The following PALM2AKAP2 variants were observed in gnomAD, a reference collection of about 807,000 sequenced individuals.
The protein encoded by PALM2AKAP2 is PALM2-AKAP2 fusion protein.
Under a neutral mutation model 71.5 loss-of-function variants are expected in PALM2AKAP2, and 37 were observed. That is an observed-to-expected ratio of 0.52 (90% confidence interval 0.40 to 0.68). The LOEUF is 0.68. Ranked by LOEUF, PALM2AKAP2 falls within the 30% of genes least tolerant of loss-of-function variation. The probability of loss-of-function intolerance (pLI) is 0.00; values close to 1 mark genes in which losing one functional copy is unlikely to be tolerated. For synonymous variants in PALM2AKAP2, 468 were observed against 478.8 expected (o/e 0.98, Z 0.29); for missense variants, 1,224 against 1,191.8 (o/e 1.03, Z -0.40).
rs202140304 is a variant in PALM2AKAP2, at chr9:110,058,898, G to GTTTTTT, written c.156+10058_156+10063dup. On this transcript the variant is annotated intron_variant, in intron 1 of 3. Transcript: ENST00000374525. ...TTGTATACTGATGGAAAGTTTTTTG[G>GTTTTTT]TTTTTTTTTTTTTTTTTTTTGAGAT... is the stretch of plus-strand genomic sequence containing the variant. 5.2e-4 allele frequency among the ~76,000 whole-genome samples: 58 copies of GTTTTTT among 111,730 alleles called. 1 individual carries two copies. The highest frequency in any genetic ancestry group is 7.8e-4 in the Non-Finnish European group (45 of 57,572). The allele number at this position is 111,730 out of a possible 152,430, so 73.3% of individuals were successfully genotyped here. A position where few individuals can be genotyped will look rare whatever the true frequency, so the allele number is the denominator to read the frequency against.
chr9:109,996,354 A>G (rs1832575429), intron 6 of PALM2AKAP2, among the ~76,000 whole-genome samples: 1 of 152,224 alleles, frequency 6.6e-6, no homozygotes, highest in South Asian at 2.1e-4. Context: ...ACCAAGTTTT[A>G]AGCTATTAGT....
intron 7 of PALM2AKAP2, among the ~76,000 whole-genome samples, chr9:110,030,947 A>G (rs1436396377): frequency 6.6e-6 from 1 of 152,212 alleles, no homozygotes; most frequent in Non-Finnish European, 1.5e-5. Flanking sequence ...GAAATTAGTC[A>G]GTGGAGATGT....
intron 1 of PALM2AKAP2, among the ~76,000 whole-genome samples, chr9:109,646,956 C>T (rs984219952): frequency 6.6e-6 from 1 of 152,146 alleles, no homozygotes; most frequent in Non-Finnish European, 1.5e-5. Flanking sequence ...GTAATGTATG[C>T]TTTTTAAAAC....
intron 6 of PALM2AKAP2, among the ~76,000 whole-genome samples, chr9:109,990,772 C>G (rs767093117): frequency 1.1e-4 from 16 of 152,204 alleles, no homozygotes; most frequent in Non-Finnish European, 1.8e-4. Flanking sequence ...CAGAAAATGG[C>G]ACATTTGCCA....
At chr9:109,658,508 T>TA (rs759182430) in intron 1 of PALM2AKAP2, among the ~76,000 whole-genome samples, 79 of 152,334 alleles carry the variant, frequency 5.2e-4, no homozygotes, top group Admixed American at 2.1e-3. Context: ...CCGTACATAA[T>TA]AAAAAACTCT....
intron 1 of PALM2AKAP2, among the ~76,000 whole-genome samples, chr9:109,741,557 C>A (rs959408825): frequency 1.3e-5 from 2 of 152,162 alleles, no homozygotes; most frequent in Admixed American, 6.5e-5. Flanking sequence ...AGCGATGGAA[C>A]AATTTTATGC....
At chr9:110,112,113 AC>A (rs1835267065) in intron 1 of PALM2AKAP2, among the ~76,000 whole-genome samples, 2 of 151,924 alleles carry the variant, frequency 1.3e-5, no homozygotes, top group South Asian at 4.2e-4. Flanking sequence ...AGAGAAAGTC[AC>A]TCACCTGGAG....
At chr9:109,657,445 A>G (rs1333414932) in intron 1 of PALM2AKAP2, among the ~76,000 whole-genome samples, 1 of 98,074 alleles carries the variant, frequency 1.0e-5, no homozygotes, top group Non-Finnish European at 2.0e-5. Context: ...CAAAAGCAAT[A>G]TGGTATTTGT....
chr9:110,061,649 G>T (rs987464195), intron 1 of PALM2AKAP2, among the ~76,000 whole-genome samples: 3 of 148,070 alleles, frequency 2.0e-5, no homozygotes, highest in African/African-American at 7.4e-5. Context: ...ATATATATAT[G>T]TGTGTGTGTA....
chr9:109,677,753 C>CA (rs1185244330), intron 1 of PALM2AKAP2, among the ~76,000 whole-genome samples: 7 of 152,136 alleles, frequency 4.6e-5, no homozygotes, highest in Middle Eastern at 3.4e-3. Context: ...TCTTCTGCCT[C>CA]AAGCCCCTAA....
intron 3 of PALM2AKAP2, among the ~76,000 whole-genome samples, chr9:109,904,218 C>T (rs1029992659): frequency 2.0e-5 from 3 of 152,168 alleles, no homozygotes; most frequent in African/African-American, 7.2e-5. Flanking sequence ...CCATATGCAT[C>T]ATTATAACCA....
At chr9:109,889,743 G>A (rs1830043523) in intron 3 of PALM2AKAP2, among the ~76,000 whole-genome samples, 1 of 152,168 alleles carries the variant, frequency 6.6e-6, no homozygotes, top group African/African-American at 2.4e-5. Context: ...CCTCGCTCAG[G>A]TTTTGTAGGA....
chr9:110,148,979 C>G (rs7865383), intron 2 of PALM2AKAP2, among the ~76,000 whole-genome samples: 8,141 of 152,172 alleles, frequency 0.053, 292 homozygotes, highest in Middle Eastern at 0.099. Flanking sequence ...GTGCATGCAG[C>G]CTTTTCTCGG....
intron 1 of PALM2AKAP2, chr9:110,048,915 G>T (rs1833655352): frequency 7.0e-7 from 1 of 1,427,806 alleles, no homozygotes; most frequent in Non-Finnish European, 9.1e-7. Context: ...AGGAAGGGGT[G>T]GCCGAGGAAG....
intron 1 of PALM2AKAP2, among the ~76,000 whole-genome samples, chr9:109,699,034 AG>A (rs1370011164): frequency 2.0e-5 from 3 of 152,370 alleles, no homozygotes; most frequent in Admixed American, 2.0e-4. Flanking sequence ...TAAAGTTGAA[AG>A]GCTAAAGATG....
chr9:109,745,852 G>A (rs1489116570), intron 1 of PALM2AKAP2, among the ~76,000 whole-genome samples: 1 of 152,082 alleles, frequency 6.6e-6, no homozygotes, highest in East Asian at 1.9e-4. Context: ...CATAAATTCA[G>A]ACCCCAGAAT....
At chr9:109,745,124 G>A (rs1828778374) in intron 1 of PALM2AKAP2, among the ~76,000 whole-genome samples, 1 of 152,126 alleles carries the variant, frequency 6.6e-6, no homozygotes, top group Admixed American at 6.5e-5. Context: ...TTCATAGAAT[G>A]GCAGGGCATC....
chr9:109,923,905 G>C, intron 4 of PALM2AKAP2, 56 bp downstream of exon 4: 3 of 1,465,894 alleles, frequency 2.0e-6, no homozygotes, highest in Non-Finnish European at 2.7e-6. Context: ...GTAGGGCCTA[G>C]CAAAATGGTG....
chr9:110,169,745 T>A lies in PALM2AKAP2; in HGVS notation c.*1248T>A, dbSNP rs1256314470. 2.0e-5 allele frequency: 3 copies of A among 152,504 alleles called. 1 individual carries two copies. In the South Asian group the frequency reaches 6.2e-4, roughly 32 times the overall value. 9.4% of individuals were successfully genotyped at this position (152,504 alleles called of 1,614,324 possible). On this transcript the variant is annotated 3_prime_UTR_variant, in exon 4 of 4. Coordinates refer to ENST00000374525, the Ensembl canonical transcript of PALM2AKAP2. ...AGCTACAAATCCTAAAGATGGGGTG[T>A]GTGTGGATGTGTGTGTGTGTGTGTG... is the stretch of plus-strand genomic sequence containing the variant.
Sources: allele counts gnomAD v4.1 joint callset (sites outside exome capture counted in the v4.1 genomes callset), GRCh38; gene constraint gnomAD v4.1.1; transcripts MANE v1.5; gene names NCBI Gene and HGNC (gene_info 2026-07-23, HGNC 2026-07-21).